DPF3: variants seen among roughly 807,000 people sequenced by gnomAD.
The protein encoded by DPF3 is zinc finger protein DPF3.
Under a neutral mutation model 56.8 loss-of-function variants are expected in DPF3, and 18 were observed. That is an observed-to-expected ratio of 0.32 (90% confidence interval 0.22 to 0.47). The LOEUF is 0.47. Among genes scored for constraint, DPF3 ranks in the 20% least tolerant of loss-of-function variants. The probability of loss-of-function intolerance (pLI) is 1.00; values close to 1 mark genes in which losing one functional copy is unlikely to be tolerated. For synonymous variants in DPF3, 188 were observed against 180.2 expected, an observed-to-expected ratio of 1.04 and a Z score of -0.35; for missense variants, 403 against 488.8, an observed-to-expected ratio of 0.82 and a Z score of 1.65.
At chr14:72,695,636 T>A (rs1251840198) in intron 6 of DPF3, among the ~76,000 whole-genome samples, 1 of 152,084 alleles carries the variant, frequency 6.6e-6, no homozygotes, top group Non-Finnish European at 1.5e-5. Flanking sequence ...CCACGGAATA[T>A]CCTGAACACT....
chr14:72,670,882 C>T (rs1886640956), intron 8 of DPF3: 9 of 1,224,928 alleles, frequency 7.3e-6, no homozygotes, highest in African/African-American at 3.2e-5. Context: ...TAGCGCATCA[C>T]GATGCCATCT....
rs1273597812 is a variant in DPF3 at position 72,863,132 on chromosome 14, GTGTGTATA to G, written c.32+30917_32+30924del. Among the ~76,000 whole-genome samples, 484 of 93,620 alleles carry G rather than the reference GTGTGTATA, an allele frequency of 5.2e-3. 12 individuals carry two copies. The highest frequency in any genetic ancestry group is 0.028 in the African/African-American group (475 of 16,686). The allele number at this position is 93,620 out of a possible 152,430, so 61.4% of individuals were successfully genotyped here. A position where few individuals can be genotyped will look rare whatever the true frequency, so the allele number is the denominator to read the frequency against. On this transcript the variant is annotated intron_variant, in intron 1 of 10. Transcript: ENST00000556509. Reference sequence around the variant, plus strand: ...TGTATACATATATGTGTGTGTGTGTGTGTGTATATATATATGTGTGTGTGTGTGTGTGT... The same window carrying G: ...TGTATACATATATGTGTGTGTGTGTGTATATATGTGTGTGTGTGTGTGTGT...
At chr14:72,877,162 T>C (rs1463394948) in intron 1 of DPF3, among the ~76,000 whole-genome samples, 1 of 152,154 alleles carries the variant, frequency 6.6e-6, no homozygotes, top group Non-Finnish European at 1.5e-5. Flanking sequence ...AGCTTAGCTC[T>C]TAGTCAAGAA....
chr14:72,867,187 T>C (rs1244221682), intron 1 of DPF3, among the ~76,000 whole-genome samples: 1 of 152,082 alleles, frequency 6.6e-6, no homozygotes. Context: ...GTAACAGCTT[T>C]TTATAGGAGT....
chr14:72,756,992 GGA>G (rs1377199786), intron 2 of DPF3, among the ~76,000 whole-genome samples: 1 of 142,686 alleles, frequency 7.0e-6, no homozygotes, highest in Non-Finnish European at 1.5e-5. Context: ...GGGGAGAAGG[GGA>G]GAGAGGGAGA....
At chr14:72,660,483 T>A (rs1417499734) in intron 8 of DPF3, among the ~76,000 whole-genome samples, 1 of 152,110 alleles carries the variant, frequency 6.6e-6, no homozygotes, top group East Asian at 1.9e-4. Flanking sequence ...ACCCCTCAGA[T>A]AAGAGGGCCC....
At chr14:72,870,677 C>T (rs780498110) in intron 1 of DPF3, among the ~76,000 whole-genome samples, 4 of 152,202 alleles carry the variant, frequency 2.6e-5, no homozygotes, top group Non-Finnish European at 4.4e-5. Flanking sequence ...GCTTCTCCTA[C>T]TTATCATTTC....
chr14:72,672,056 C>CACGG (rs1886706271), intron 8 of DPF3, among the ~76,000 whole-genome samples: 5 of 138,636 alleles, frequency 3.6e-5, no homozygotes, highest in East Asian at 2.3e-4. Flanking sequence ...CACACACACA[C>CACGG]ACAGACACAC....
chr14:72,697,745 C>G (rs1887965737), intron 6 of DPF3, among the ~76,000 whole-genome samples: 1 of 152,078 alleles, frequency 6.6e-6, no homozygotes, highest in African/African-American at 2.4e-5. Context: ...TTTACCTGTG[C>G]AACAATGAGG....
Position 72,838,672 on chromosome 14 carries a change from G to T in DPF3, c.32+55385C>A, listed in dbSNP as rs1003644178. Among the ~76,000 whole-genome samples, 3 of 151,532 alleles carry T rather than the reference G, an allele frequency of 2.0e-5. No individual in the cohort carries two copies. In the East Asian group the frequency reaches 5.8e-4, roughly 30 times the overall value. On this transcript the variant is annotated intron_variant, in intron 1 of 10. Coordinates refer to ENST00000556509, the MANE Select transcript of DPF3 (RefSeq NM_001280542.3). ...CTCGGGAGGCTGAGGCAGGAGAATC[G>T]CTTGAACCCAGGAGGTGAAGGTTGC...
chr14:72,860,408 C>G (rs1028270552), intron 1 of DPF3, among the ~76,000 whole-genome samples: 1 of 152,164 alleles, frequency 6.6e-6, no homozygotes, highest in Non-Finnish European at 1.5e-5. Flanking sequence ...TATGCTTGAA[C>G]TCCTATGCTC....
chr14:72,852,001 A>G (rs1885003615), intron 1 of DPF3, among the ~76,000 whole-genome samples: 1 of 152,256 alleles, frequency 6.6e-6, no homozygotes, highest in South Asian at 2.1e-4. Flanking sequence ...CGCTTTCAAG[A>G]AGAACATTAT....
chr14:72,788,562 G>A (rs1308803370), intron 1 of DPF3, among the ~76,000 whole-genome samples: 10 of 152,112 alleles, frequency 6.6e-5, no homozygotes, highest in Admixed American at 4.6e-4. Flanking sequence ...CTTGCAGAGG[G>A]TTCCACTTAT....
chr14:72,838,661 G>T (rs1452791031), intron 1 of DPF3, among the ~76,000 whole-genome samples: 6 of 152,052 alleles, frequency 3.9e-5, no homozygotes, highest in African/African-American at 1.4e-4. Context: ...GGAGGCTGAG[G>T]CAGGAGAATC....
At chr14:72,739,867 A>G (rs913222194) in intron 3 of DPF3, among the ~76,000 whole-genome samples, 1 of 152,226 alleles carries the variant, frequency 6.6e-6, no homozygotes, top group South Asian at 2.1e-4. Flanking sequence ...AGAGACAAAA[A>G]TCCCGGCCCT....
intron 1 of DPF3, among the ~76,000 whole-genome samples, chr14:72,865,650 C>T (rs554485892): frequency 1.9e-4 from 29 of 152,312 alleles, no homozygotes; most frequent in East Asian, 5.8e-4. Context: ...ACCTCACTGA[C>T]GGCTGAAACC....
intron 8 of DPF3, among the ~76,000 whole-genome samples, chr14:72,637,308 T>C (rs542428464): frequency 6.6e-6 from 1 of 152,300 alleles, no homozygotes; most frequent in South Asian, 2.1e-4. Context: ...AATAATGGGA[T>C]AGGGAAGCCT....
At chr14:72,766,021 G>C (rs1891272325) in intron 2 of DPF3, among the ~76,000 whole-genome samples, 2 of 152,188 alleles carry the variant, frequency 1.3e-5, no homozygotes, top group South Asian at 4.1e-4. Context: ...AGAAGCGCAG[G>C]AAGGATAGAT....
intron 2 of DPF3, among the ~76,000 whole-genome samples, chr14:72,759,522 G>A (rs541538679): frequency 6.6e-6 from 1 of 151,644 alleles, no homozygotes; most frequent in East Asian, 1.9e-4. Context: ...GAGAGAGAGA[G>A]AGAGAGATGA....
Sources: allele counts gnomAD v4.1 joint callset (sites outside exome capture counted in the v4.1 genomes callset), GRCh38; gene constraint gnomAD v4.1.1; transcripts MANE v1.5; gene names NCBI Gene and HGNC (gene_info 2026-07-23, HGNC 2026-07-21).